The following GMDS variants were observed in gnomAD, a reference collection of about 807,000 sequenced individuals.
GMDS encodes GDP-mannose 4,6 dehydratase.
Under a neutral mutation model 49.9 loss-of-function variants are expected in GMDS, and 20 were observed. The ratio of observed to expected loss-of-function variants is 0.40; its 90% CI spans 0.28 to 0.58. The LOEUF is 0.58. GMDS is among the 20% of genes least tolerant of loss of function. The pLI is 0.42. For missense variants in GMDS, 362 were observed against 481.4 expected (o/e 0.75, Z 2.32); for synonymous variants, 177 against 178.6 (o/e 0.99, Z 0.07).
intron 2 of GMDS, among the ~76,000 whole-genome samples, chr6:2,121,922 C>G (rs2127506182): frequency 6.6e-6 from 1 of 152,274 alleles, no homozygotes; most frequent in South Asian, 2.1e-4. Flanking sequence ...AAATGCACAG[C>G]TGGCCTTACC....
At chr6:1,874,012 G>T (rs1018929921) in intron 7 of GMDS, among the ~76,000 whole-genome samples, 1 of 152,202 alleles carries the variant, frequency 6.6e-6, no homozygotes, top group African/African-American at 2.4e-5. Flanking sequence ...GCTTGCAGGA[G>T]GCAGACGGAC....
intron 4 of GMDS, among the ~76,000 whole-genome samples, chr6:2,030,093 T>C (rs1768857830): frequency 6.6e-6 from 1 of 152,106 alleles, no homozygotes; most frequent in Non-Finnish European, 1.5e-5. Flanking sequence ...CACACAGAGA[T>C]CAACACACAG....
chr6:1,910,674 G>T (rs571539356), intron 7 of GMDS, among the ~76,000 whole-genome samples: 1 of 152,244 alleles, frequency 6.6e-6, no homozygotes, highest in Non-Finnish European at 1.5e-5. Context: ...GCACATACAC[G>T]AGGGTCTTTT....
At chr6:2,018,235 C>T (rs578180395) in intron 4 of GMDS, among the ~76,000 whole-genome samples, 9 of 152,260 alleles carry the variant, frequency 5.9e-5, no homozygotes, top group Admixed American at 1.3e-4. Flanking sequence ...AATAGAATTA[C>T]GCTGATGCTA....
chr6:2,029,156 G>A (rs1768803060), intron 4 of GMDS, among the ~76,000 whole-genome samples: 1 of 152,084 alleles, frequency 6.6e-6, no homozygotes, highest in African/African-American at 2.4e-5. Context: ...CAAAATCCCA[G>A]CAAATATTAA....
intron 1 of GMDS, among the ~76,000 whole-genome samples, chr6:2,212,006 A>G (rs2127583407): frequency 6.6e-6 from 1 of 152,368 alleles, no homozygotes; most frequent in Admixed American, 6.5e-5. Flanking sequence ...CTTTTTAATT[A>G]CAGTTCATTC....
rs527495990 is a variant in GMDS at position 2,000,185 on chromosome 6, G to A, written c.346-39219C>T. Among the ~76,000 whole-genome samples, 178 of 145,388 alleles carry A rather than the reference G, an allele frequency of 1.2e-3. 2 individuals carry two copies. Among genetic ancestry groups the A allele is most frequent in the African/African-American group, 4.3e-3 (169 of 39,436 alleles). On this transcript the variant is annotated intron_variant, in intron 4 of 10. Coordinates refer to ENST00000380815, the MANE Select transcript of GMDS (RefSeq NM_001500.4). The stretch of plus-strand genomic sequence containing the variant: ...CAAGTAGCTGGGACTACAGGCGCCC[G>A]CCACCATGCCCGGCTAATTTTTTGT...
At chr6:1,922,996 A>G (rs1174125523) in intron 7 of GMDS, among the ~76,000 whole-genome samples, 1 of 152,178 alleles carries the variant, frequency 6.6e-6, no homozygotes, top group African/African-American at 2.4e-5. Context: ...AAGTCTCACA[A>G]GAGCTGTTGG....
rs187197626 is a variant in GMDS, at chr6:2,144,773, C to T, written c.103-20042G>A. Reference sequence around the variant, plus strand: ...AAACCGTAAATAATACACCAGACTACCTGACTTCAAGCCTTCAGCAACTGT... The same window carrying T: ...AAACCGTAAATAATACACCAGACTATCTGACTTCAAGCCTTCAGCAACTGT... On this transcript the variant is annotated intron_variant, in intron 1 of 10. Transcript: ENST00000380815. Among the ~76,000 whole-genome samples the T allele has an allele frequency of 2.7e-4, 41 of 152,276 alleles. No homozygotes were observed. In the East Asian group the frequency reaches 5.4e-3, roughly 20 times the overall value.
At chr6:2,061,404 G>A (rs1485417707) in intron 4 of GMDS, among the ~76,000 whole-genome samples, 1 of 152,110 alleles carries the variant, frequency 6.6e-6, no homozygotes, top group African/African-American at 2.4e-5. Flanking sequence ...ATCCTCAGGT[G>A]TATGAAAATC....
chr6:2,013,840 A>AATATTTAAAGTAAT (rs1561974955), intron 4 of GMDS, among the ~76,000 whole-genome samples: 3 of 150,618 alleles, frequency 2.0e-5, no homozygotes, highest in Admixed American at 2.0e-4. Flanking sequence ...AGAAAGGAAG[A>AATATTTAAAGTAAT]AATGGCTGAG....
At chr6:1,990,177 T>G (rs1239505148) in intron 4 of GMDS, among the ~76,000 whole-genome samples, 1 of 152,094 alleles carries the variant, frequency 6.6e-6, no homozygotes, top group Non-Finnish European at 1.5e-5. Flanking sequence ...GTGCCTGTAG[T>G]CCCAGCTACC....
At chr6:2,158,696 G>A (rs1468844619) in intron 1 of GMDS, among the ~76,000 whole-genome samples, 2 of 152,214 alleles carry the variant, frequency 1.3e-5, no homozygotes, top group Non-Finnish European at 2.9e-5. Flanking sequence ...ATTGGGGCAA[G>A]AAAGTGGGGA....
intron 1 of GMDS, among the ~76,000 whole-genome samples, chr6:2,133,325 A>G (rs1429240312): frequency 6.6e-6 from 1 of 152,208 alleles, no homozygotes; most frequent in East Asian, 1.9e-4. Flanking sequence ...CAGGAAGGCA[A>G]AACAAATGTC....
chr6:2,046,626 AT>A (rs1770033687), intron 4 of GMDS, among the ~76,000 whole-genome samples: 1 of 151,914 alleles, frequency 6.6e-6, no homozygotes, highest in Non-Finnish European at 1.5e-5. Flanking sequence ...CCCCCGGTTA[AT>A]TTTTTGTATT....
At chr6:1,652,015 G>C (rs1581411488) in intron 9 of GMDS, among the ~76,000 whole-genome samples, 1 of 152,064 alleles carries the variant, frequency 6.6e-6, no homozygotes, top group Middle Eastern at 3.4e-3. Flanking sequence ...GCAGAACTCA[G>C]AAACGTTAAT....
At chr6:2,075,253 T>C (rs1310518340) in intron 4 of GMDS, among the ~76,000 whole-genome samples, 1 of 152,078 alleles carries the variant, frequency 6.6e-6, no homozygotes, top group Non-Finnish European at 1.5e-5. Context: ...GCTATAAATT[T>C]TTTTTTTTTA....
At chr6:1,845,700 C>A (rs1355796538) in intron 7 of GMDS, among the ~76,000 whole-genome samples, 1 of 152,108 alleles carries the variant, frequency 6.6e-6, no homozygotes, top group African/African-American at 2.4e-5. Context: ...CACCTCAGAT[C>A]ATCAGGCATT....
intron 9 of GMDS, among the ~76,000 whole-genome samples, chr6:1,694,868 C>T (rs2113346389): frequency 6.6e-6 from 1 of 152,274 alleles, no homozygotes; most frequent in East Asian, 1.9e-4. Flanking sequence ...TTATAGATTC[C>T]TACCTAGTTT....
Sources: allele counts gnomAD v4.1 joint callset (sites outside exome capture counted in the v4.1 genomes callset), GRCh38; gene constraint gnomAD v4.1.1; transcripts MANE v1.5; gene names NCBI Gene and HGNC (gene_info 2026-07-23, HGNC 2026-07-21).